Variants in PMFBP1 observed in about 807,000 individuals in gnomAD.
PMFBP1 encodes polyamine modulated factor 1 binding protein 1.
PMFBP1 carries 131 observed loss-of-function variants against 137.8 expected under a neutral mutation model. The observed-to-expected ratio is 0.95, with a 90% confidence interval of 0.82 to 1.10. The LOEUF (loss-of-function observed/expected upper bound fraction) is 1.10. PMFBP1 is among the 50% of genes least tolerant of loss of function. The probability of loss-of-function intolerance (pLI) is 0.00; values close to 1 mark genes in which losing one functional copy is unlikely to be tolerated. For synonymous variants in PMFBP1, 490 were observed against 450.4 expected (o/e 1.09, Z -1.11); for missense variants, 1,199 against 1,175.4 (o/e 1.02, Z -0.29).
chr16:72,138,529 T>C (rs1201046863), intron 7 of PMFBP1, among the ~76,000 whole-genome samples: 1 of 152,122 alleles, frequency 6.6e-6, no homozygotes, highest in Non-Finnish European at 1.5e-5. Context: ...TTATTTATTT[T>C]ATTTGAGATG....
upstream of PMFBP1, chr16:72,173,916 T>G (rs1162592339): frequency 6.6e-6 from 1 of 152,254 alleles, no homozygotes; most frequent in Non-Finnish European, 1.5e-5. Context: ...TGAACCCTTG[T>G]TCTTACATAT....
At chr16:72,116,881 T>C (rs1238690257), downstream of PMFBP1, among the ~76,000 whole-genome samples, 2 of 152,194 alleles carry the variant, frequency 1.3e-5, no homozygotes, top group East Asian at 3.8e-4. Flanking sequence ...TTGATTTATA[T>C]GGCAGTACCA....
chr16:72,193,685 G>A, the PMFBP1 span, among the ~76,000 whole-genome samples: 19 of 149,376 alleles, frequency 1.3e-4, no homozygotes, highest in Non-Finnish European at 2.1e-4. Context: ...CTCCCTTGCA[G>A]TGCTCTCTGG....
chr16:72,179,934 C>T (rs1312703923), upstream of PMFBP1, among the ~76,000 whole-genome samples: 3 of 152,196 alleles, frequency 2.0e-5, no homozygotes, highest in African/African-American at 7.2e-5. Context: ...GCTGCTGGCA[C>T]CAAACCACAT....
chr16:72,140,666 A>G, intron 5 of PMFBP1, 84 bp from the exon 6 acceptor site: 5 of 1,268,904 alleles, frequency 3.9e-6, no homozygotes, highest in Non-Finnish European at 5.6e-6. Context: ...AAATCTCTAG[A>G]CCTATATTCT....
chr16:72,248,544 GCA>G, the PMFBP1 span, among the ~76,000 whole-genome samples: 1 of 152,182 alleles, frequency 6.6e-6, no homozygotes, highest in African/African-American at 2.4e-5. Context: ...ACTGGCCAGA[GCA>G]CAGTTTCTTC....
Position 72,123,727 on chromosome 16 carries a change from T to G in PMFBP1, c.2590-78A>C, listed in dbSNP as rs1049550087. On this transcript the variant is annotated intron_variant, in intron 17 of 20. Transcript: ENST00000237353. ...AGCCCTCCTTCCGAGTCAGGCCTCT[T>G]CTATCTCCCTGGGAAAAGAAAACTT... is the stretch of plus-strand genomic sequence containing the variant. 18 of 1,298,476 alleles carry G rather than the reference T, an allele frequency of 1.4e-5. No individual in the cohort carries two copies. The South Asian group carries it at 2.1e-4, about 15-fold the overall frequency. The allele number at this position is 1,298,476 out of a possible 1,614,324, so 80.4% of individuals were successfully genotyped here.
At chr16:72,240,250 A>C in the PMFBP1 span, among the ~76,000 whole-genome samples, 1 of 152,252 alleles carries the variant, frequency 6.6e-6, no homozygotes, top group African/African-American at 2.4e-5. Flanking sequence ...TCTTTCTAGT[A>C]ACTTAACATG....
At chr16:72,205,415 C>T in the PMFBP1 span, among the ~76,000 whole-genome samples, 3 of 152,296 alleles carry the variant, frequency 2.0e-5, no homozygotes, top group South Asian at 2.1e-4. Flanking sequence ...ACATTTGTCC[C>T]GCTCTGTGGC....
At chr16:72,177,677 C>A (rs1413656461), upstream of PMFBP1, among the ~76,000 whole-genome samples, 1 of 152,156 alleles carries the variant, frequency 6.6e-6, no homozygotes, top group African/African-American at 2.4e-5. Flanking sequence ...GACAAAACTG[C>A]ATACTTTGTT....
At chr16:72,244,115 C>T in the PMFBP1 span, among the ~76,000 whole-genome samples, 1 of 152,030 alleles carries the variant, frequency 6.6e-6, no homozygotes, top group Non-Finnish European at 1.5e-5. Context: ...TGCTCAAAAT[C>T]AAATGCAGAA....
At chr16:72,122,315 G>A (rs1037168118) in intron 19 of PMFBP1, among the ~76,000 whole-genome samples, 8 of 152,178 alleles carry the variant, frequency 5.3e-5, no homozygotes, top group Admixed American at 5.2e-4. Flanking sequence ...GTTGGGAAGC[G>A]CTGTCCTAAG....
At chr16:72,146,798 C>T (rs2042814009) in intron 5 of PMFBP1, among the ~76,000 whole-genome samples, 1 of 152,024 alleles carries the variant, frequency 6.6e-6, no homozygotes, top group Non-Finnish European at 1.5e-5. Context: ...AATAAAATAC[C>T]TAGGAATCCA....
the PMFBP1 span, among the ~76,000 whole-genome samples, chr16:72,234,192 AC>A: frequency 3.3e-5 from 5 of 152,182 alleles, no homozygotes; most frequent in Non-Finnish European, 5.9e-5. Flanking sequence ...TTAGAATCCC[AC>A]CAGCAATGTA....
chr16:72,196,934 C>T, the PMFBP1 span, among the ~76,000 whole-genome samples: 1 of 152,232 alleles, frequency 6.6e-6, no homozygotes, highest in Non-Finnish European at 1.5e-5. Context: ...CTTACATTTG[C>T]TTGATTATAA....
At chr16:72,117,958 C>T (rs550320410), downstream of PMFBP1, among the ~76,000 whole-genome samples, 43 of 152,308 alleles carry the variant, frequency 2.8e-4, no homozygotes, top group African/African-American at 8.7e-4. Context: ...CGATGTTTTT[C>T]TGGCTCTGCT....
chr16:72,209,904 G>C, the PMFBP1 span, among the ~76,000 whole-genome samples: 1 of 152,212 alleles, frequency 6.6e-6, no homozygotes, highest in Non-Finnish European at 1.5e-5. Flanking sequence ...GCCTCTCTGG[G>C]AAGGTCACAT....
chr16:72,141,091 T>C (rs1276440718), intron 5 of PMFBP1, among the ~76,000 whole-genome samples: 1 of 152,002 alleles, frequency 6.6e-6, no homozygotes, highest in Non-Finnish European at 1.5e-5. Context: ...TGTGCCACCA[T>C]GCCGGGCTAA....
chr16:72,130,465 C>T, intron 11 of PMFBP1, 68 bp downstream of exon 11: 7 of 1,606,760 alleles, frequency 4.4e-6, no homozygotes, highest in Non-Finnish European at 6.0e-6. Flanking sequence ...GGGCAGCTGC[C>T]CACAGAGGGC....
Sources: gnomAD v4.1 joint callset for allele counts (sites outside exome capture counted in the v4.1 genomes callset) on GRCh38, gnomAD v4.1.1 for gene constraint, MANE v1.5 for transcripts, NCBI Gene and HGNC (gene_info 2026-07-23, HGNC 2026-07-21) for gene names.